PLCH2: variants seen among roughly 807,000 people sequenced by gnomAD.
The protein encoded by PLCH2 is 1-phosphatidylinositol 4,5-bisphosphate phosphodiesterase eta-2.
PLCH2 carries 98 observed loss-of-function variants against 134.7 expected under a neutral mutation model. The observed-to-expected ratio is 0.73, with a 90% CI of 0.62 to 0.86. The LOEUF is 0.86. PLCH2 is among the 40% of genes least tolerant of loss of function. PLCH2 has a pLI of 0.00. For synonymous variants in PLCH2, 974 were observed against 827.5 expected (o/e 1.18, Z -3.04); for missense variants, 1,994 against 1,986.6 (o/e 1.00, Z -0.07).
Position 2,479,945 on chromosome 1 carries a change from C to T in PLCH2, c.483C>T (p.Asp161=). 2.5e-6 allele frequency: 4 copies of T among 1,608,010 alleles called. No homozygotes were observed. Among genetic ancestry groups the T allele is most frequent in the Non-Finnish European group, 3.4e-6 (4 of 1,176,860 alleles). The change falls in exon 3 of 22, where the codon GAC becomes GAT. Residue 161 remains aspartate, a synonymous_variant. Coordinates refer to ENST00000378486, the MANE Select transcript of PLCH2 (RefSeq NM_014638.4). ...RYLMAGISDE[D]SLARRQRTRD... is the part of the protein sequence containing the mutation. ...TCATGGCCGGCATCAGCGACGAGGA[C>T]AGCCTGGCTCGCCGCCAGCGCACCA...
upstream of PLCH2, among the ~76,000 whole-genome samples, chr1:2,467,094 G>A (rs1191246953): frequency 6.6e-6 from 1 of 152,116 alleles, no homozygotes; most frequent in Admixed American, 6.5e-5. Context: ...TGACCAGAGG[G>A]TCCCTGTGGT....
intron 4 of PLCH2, among the ~76,000 whole-genome samples, chr1:2,480,875 G>A (rs372281838): frequency 2.6e-5 from 4 of 152,236 alleles, no homozygotes; most frequent in Non-Finnish European, 5.9e-5. Flanking sequence ...AACTCTGCCC[G>A]TCAGCAGGTC....
chr1:2,451,783 G>A (rs980185178), intron 2 of PLCH2, among the ~76,000 whole-genome samples: 2 of 152,158 alleles, frequency 1.3e-5, no homozygotes, highest in Admixed American at 6.5e-5. Flanking sequence ...GGACCCTAAC[G>A]TGCTCTTGGC....
chr1:2,433,252 G>A (rs1343171626), intron 2 of PLCH2, among the ~76,000 whole-genome samples: 1 of 152,254 alleles, frequency 6.6e-6, no homozygotes. Flanking sequence ...TGGTGTGGGT[G>A]GTGGTGCTGG....
intron 20 of PLCH2, chr1:2,500,945 G>C (rs1643193172): frequency 7.0e-6 from 1 of 141,902 alleles, no homozygotes; most frequent in Admixed American, 7.2e-5. Flanking sequence ...TCTCTCTCCT[G>C]CCCCCATCTC....
intron 19 of PLCH2, 22 bp downstream of exon 19, chr1:2,499,252 GC>G (rs770444372): frequency 4.8e-5 from 78 of 1,611,436 alleles, no homozygotes; most frequent in Non-Finnish European, 6.4e-5. Context: ...TGGACACGGT[GC>G]CCCCCACACT....
At chr1:2,487,088 G>A (rs888629557) in intron 6 of PLCH2, 85 bp from the exon 7 acceptor site, 2 of 1,503,152 alleles carry the variant, frequency 1.3e-6, no homozygotes, top group African/African-American at 1.4e-5. Flanking sequence ...CAGGTGTTCT[G>A]TGTTCTGTGT....
intron 2 of PLCH2, among the ~76,000 whole-genome samples, chr1:2,438,167 G>A (rs1052070426): frequency 1.3e-5 from 2 of 152,262 alleles, no homozygotes; most frequent in African/African-American, 4.8e-5. Flanking sequence ...CTCAGAGCGT[G>A]CCTGTTGGCA....
chr1:2,420,185 C>T, the PLCH2 span, among the ~76,000 whole-genome samples: 1 of 152,124 alleles, frequency 6.6e-6, no homozygotes, highest in African/African-American at 2.4e-5. Flanking sequence ...TCACATCCCT[C>T]TCAGCTGACC....
At position 2,502,200 on chromosome 1, in the gene PLCH2, C is replaced by T; in HGVS notation, c.2750C>T (p.Ala917Val). Residue 917 changes from alanine to valine, a missense_variant, in exon 21 of 22, where the codon GCC becomes GTC. Physicochemically the swap from Ala to Val is moderately conservative, Grantham distance 64 (BLOSUM62 0). Transcript: ENST00000378486. ...LDSHAAGRPP[A>V]RPSVSQRILR... is the part of the protein sequence containing the mutation. ...AGTCATGCTGCTGGGCGGCCCCCGG[C>T]CCGGCCCTCCGTTAGCCAGCGGATC... is the stretch of plus-strand genomic sequence containing the variant. 6.5e-7 allele frequency: 1 copy of T among 1,537,412 alleles called. No individual in the cohort carries two copies. Among genetic ancestry groups the T allele is most frequent in the Non-Finnish European group, 8.7e-7 (1 of 1,143,858 alleles).
chr1:2,488,347 G>A (rs1558012042), intron 8 of PLCH2, among the ~76,000 whole-genome samples: 1 of 152,200 alleles, frequency 6.6e-6, no homozygotes, highest in East Asian at 1.9e-4. Context: ...GAGGAGAGAT[G>A]AGCTGGGAGG....
chr1:2,445,031 G>A (rs1171089935), intron 2 of PLCH2, among the ~76,000 whole-genome samples: 1 of 152,240 alleles, frequency 6.6e-6, no homozygotes, highest in Non-Finnish European at 1.5e-5. Flanking sequence ...GGTTGGTGGG[G>A]ACAGAAGCCA....
At chr1:2,468,961 C>G (rs1330226936) in intron 1 of PLCH2, among the ~76,000 whole-genome samples, 2 of 152,164 alleles carry the variant, frequency 1.3e-5, no homozygotes, top group African/African-American at 2.4e-5. Flanking sequence ...GTCCCCTCCT[C>G]TGTCCCACCC....
the PLCH2 span, among the ~76,000 whole-genome samples, chr1:2,418,314 A>G: frequency 1.3e-5 from 2 of 152,192 alleles, no homozygotes; most frequent in African/African-American, 4.8e-5. Context: ...TTAGACCGAG[A>G]GAGACAGGAG....
intron 20 of PLCH2, chr1:2,500,119 C>T (rs1443680575): frequency 4.4e-6 from 1 of 226,670 alleles, no homozygotes; most frequent in East Asian, 9.8e-5. Context: ...CCTCTACTTC[C>T]TGGTGTCACG....
intron 16 of PLCH2, 71 bp downstream of exon 16, chr1:2,497,680 G>A: frequency 9.3e-7 from 1 of 1,075,802 alleles, no homozygotes; most frequent in Non-Finnish European, 1.4e-6. Flanking sequence ...CCCCAGAACA[G>A]AGATCGGAGC....
At chr1:2,499,969 T>C (rs1643125994) in intron 20 of PLCH2, 2 of 586,678 alleles carry the variant, frequency 3.4e-6, no homozygotes, top group African/African-American at 1.9e-5. Flanking sequence ...TCCTGAGTGC[T>C]CCGGGCCTTG....
rs1254494541 is a variant in PLCH2 at position 2,448,896 on chromosome 1, CG to C, written c.115+18269del. Among the ~76,000 whole-genome samples the C allele has an allele frequency of 1.4e-4, 21 of 152,314 alleles. No homozygotes were observed. The highest frequency in any genetic ancestry group is 4.8e-4 in the African/African-American group (20 of 41,566). On this transcript the variant is annotated intron_variant, in intron 2 of 3. Transcript: ENST00000609981. The surrounding 1 kb of genome is among the most constrained non-coding windows in gnomAD (Gnocchi z 4.0). ...ACCACAAGTCACATCACTGCTGCCC[CG>C]GAAGGCACCTGGGGCCTCCAGAATG...
intron 21 of PLCH2, chr1:2,502,812 G>C (rs944475183): frequency 2.8e-6 from 2 of 716,920 alleles, no homozygotes; most frequent in African/African-American, 3.5e-5. Context: ...TGGCCTGAGG[G>C]TGCCTGCAGG....
Sources: gnomAD v4.1 joint callset for allele counts (sites outside exome capture counted in the v4.1 genomes callset) on GRCh38, gnomAD v4.1.1 for gene constraint, Gnocchi (gnomAD v3.1) non-coding constraint, MANE v1.5 for transcripts, NCBI Gene and HGNC (gene_info 2026-07-23, HGNC 2026-07-21) for gene names.